Variants in PARD3B observed in about 807,000 individuals in gnomAD.
PARD3B encodes the protein partitioning defective 3 homolog B.
Under a neutral mutation model 130.2 loss-of-function variants are expected in PARD3B, and 103 were observed. That is an observed-to-expected ratio of 0.79 (90% CI 0.67 to 0.93). PARD3B has a LOEUF of 0.93. Among genes scored for constraint, PARD3B ranks in the 40% least tolerant of loss-of-function variants. PARD3B has a pLI of 0.00. For synonymous variants in PARD3B, 583 were observed against 553.2 expected (o/e 1.05, Z -0.76); for missense variants, 1,609 against 1,499.2 (o/e 1.07, Z -1.21).
intron 4 of PARD3B, among the ~76,000 whole-genome samples, chr2:205,080,519 A>T (rs577472453): frequency 6.6e-6 from 1 of 152,132 alleles, no homozygotes; most frequent in Non-Finnish European, 1.5e-5. Flanking sequence ...ATTCATCGCT[A>T]TGTTTTTATA....
chr2:205,528,198 ATCTCCC>A (rs1482400358), intron 21 of PARD3B, among the ~76,000 whole-genome samples: 1 of 151,740 alleles, frequency 6.6e-6, no homozygotes, highest in Non-Finnish European at 1.5e-5. Context: ...CTCCAGCCTC[ATCTCCC>A]TCTCCCTGTC....
intron 3 of PARD3B, among the ~76,000 whole-genome samples, chr2:205,045,120 T>TG (rs1489212064): frequency 6.6e-6 from 1 of 151,540 alleles, no homozygotes; most frequent in Non-Finnish European, 1.5e-5. Context: ...AAGTTTTTTT[T>TG]TTTTTTTTAT....
intron 4 of PARD3B, among the ~76,000 whole-genome samples, chr2:205,102,799 C>T (rs891902517): frequency 2.0e-5 from 3 of 152,066 alleles, no homozygotes; most frequent in African/African-American, 7.2e-5. Flanking sequence ...GGCGCGGTGG[C>T]TCAAGCCTGT....
intron 21 of PARD3B, among the ~76,000 whole-genome samples, chr2:205,538,937 A>G (rs1417019698): frequency 6.6e-6 from 1 of 152,202 alleles, no homozygotes; most frequent in African/African-American, 2.4e-5. Flanking sequence ...CATAACAGTC[A>G]TCTGAGTGGG....
intron 18 of PARD3B, among the ~76,000 whole-genome samples, chr2:205,335,951 G>A (rs146666375): frequency 3.9e-5 from 6 of 152,156 alleles, no homozygotes; most frequent in Admixed American, 6.5e-5. Context: ...ATCACCTCCC[G>A]CCAGTTCCTC....
At chr2:204,624,520 A>G (rs574296068) in intron 1 of PARD3B, among the ~76,000 whole-genome samples, 1 of 152,340 alleles carries the variant, frequency 6.6e-6, no homozygotes, top group East Asian at 1.9e-4. Flanking sequence ...GCATTTCCAT[A>G]TTCATTGCAG....
chr2:204,981,637 A>C (rs549702888), intron 3 of PARD3B, among the ~76,000 whole-genome samples: 1 of 152,364 alleles, frequency 6.6e-6, no homozygotes, highest in Non-Finnish European at 1.5e-5. Context: ...AGTAAACAAC[A>C]AAAAGATTAA....
At position 205,230,543 on chromosome 2, in the gene PARD3B, C is replaced by G. The variant is rs569085058; in HGVS notation, c.2141-15235C>G. Among the ~76,000 whole-genome samples the G allele has an allele frequency of 2.2e-4, 34 of 152,260 alleles. No homozygotes were observed. The highest frequency in any genetic ancestry group is 6.2e-4 in the South Asian group (3 of 4,830). On this transcript the variant is annotated intron_variant, in intron 15 of 22. Transcript: ENST00000406610. This position sits in a 1 kb window ranked among gnomAD's most constrained non-coding sequence, Gnocchi z 4.1. ...CCTCTTAACTCTTCCCTCTTTTCTC[C>G]TCTAGCAGAAGGCAGGAGTCTCTCC...
chr2:204,717,929 A>T (rs2038810373), intron 2 of PARD3B, among the ~76,000 whole-genome samples: 1 of 152,168 alleles, frequency 6.6e-6, no homozygotes, highest in Non-Finnish European at 1.5e-5. Context: ...GACATTTGTG[A>T]TGACAGTTCT....
At chr2:205,586,039 C>A (rs1314629188) in intron 22 of PARD3B, among the ~76,000 whole-genome samples, 1 of 152,222 alleles carries the variant, frequency 6.6e-6, no homozygotes, top group Non-Finnish European at 1.5e-5. Context: ...AAAAGATTTT[C>A]TCCTAATGAG....
At chr2:204,611,538 G>A (rs1442472439) in intron 1 of PARD3B, among the ~76,000 whole-genome samples, 1 of 152,034 alleles carries the variant, frequency 6.6e-6, no homozygotes, top group Non-Finnish European at 1.5e-5. Flanking sequence ...AATATAAAAA[G>A]TCTGTTTTAA....
chr2:205,244,314 GC>G lies in PARD3B; in HGVS notation c.2141-1462del, dbSNP rs2039478403. 6.6e-6 allele frequency among the ~76,000 whole-genome samples: 1 copy of G among 152,126 alleles called. No individual in the cohort carries two copies. Among genetic ancestry groups the G allele is most frequent in the Non-Finnish European group, 1.5e-5 (1 of 68,030 alleles). ...TCTTCTTGTTAGCAAATTTCCCCTC[GC>G]CTTGCTTCAACCCTTGAGACCACAG... On this transcript the variant is annotated intron_variant, in intron 15 of 22. Transcript: ENST00000406610. The surrounding 1 kb of genome is among the most constrained non-coding windows in gnomAD (Gnocchi z 4.7).
intron 16 of PARD3B, among the ~76,000 whole-genome samples, chr2:205,278,795 C>T (rs78261151): frequency 0.095 from 14,371 of 152,024 alleles, 883 homozygotes; most frequent in South Asian, 0.2. Context: ...ATAGGCTGAG[C>T]GCTGTGGCTC....
intron 2 of PARD3B, among the ~76,000 whole-genome samples, chr2:204,761,430 A>C (rs1178243072): frequency 6.6e-6 from 1 of 152,202 alleles, no homozygotes; most frequent in Non-Finnish European, 1.5e-5. Flanking sequence ...AATAATGTCA[A>C]GTTGCTCAAT....
Position 204,990,623 on chromosome 2 carries a change from ATCTG to A in PARD3B, c.394+25306_394+25309del, listed in dbSNP as rs367983450. On this transcript the variant is annotated intron_variant, in intron 3 of 22. Coordinates refer to ENST00000406610, the MANE Select transcript of PARD3B (RefSeq NM_001302769.2). ...AGAACACTAATAATTTGTAGATTGT[ATCTG>A]TCTGTGTGTGTATGTGTGTGTGTGT... 3.8e-3 allele frequency among the ~76,000 whole-genome samples: 581 copies of A among 152,076 alleles called. 6 individuals carry two copies. Among genetic ancestry groups the A allele is most frequent in the African/African-American group, 0.013 (543 of 41,520 alleles).
At chr2:205,195,303 A>G (rs1171936327) in intron 15 of PARD3B, among the ~76,000 whole-genome samples, 1 of 152,198 alleles carries the variant, frequency 6.6e-6, no homozygotes, top group African/African-American at 2.4e-5. Flanking sequence ...CCCTAGTACC[A>G]AACTAAAAGC....
At chr2:205,489,253 T>A (rs2049572336) in intron 20 of PARD3B, among the ~76,000 whole-genome samples, 1 of 152,064 alleles carries the variant, frequency 6.6e-6, no homozygotes, top group African/African-American at 2.4e-5. Context: ...TATCACACAC[T>A]TACACATAAC....
chr2:204,556,654 T>C (rs899454417), intron 1 of PARD3B, among the ~76,000 whole-genome samples: 2 of 152,182 alleles, frequency 1.3e-5, no homozygotes, highest in Non-Finnish European at 2.9e-5. Flanking sequence ...TTGGACCAGA[T>C]GCTGATGGTC....
intron 5 of PARD3B, among the ~76,000 whole-genome samples, chr2:205,112,810 G>A (rs1218243527): frequency 5.3e-5 from 8 of 152,010 alleles, no homozygotes. Context: ...GGCAGGTCAG[G>A]CTTTCTATTT....
Sources: gnomAD v4.1 joint callset for allele counts (sites outside exome capture counted in the v4.1 genomes callset) on GRCh38, gnomAD v4.1.1 for gene constraint, Gnocchi (gnomAD v3.1) non-coding constraint, MANE v1.5 for transcripts, NCBI Gene and HGNC (gene_info 2026-07-23, HGNC 2026-07-21) for gene names.